The following ADAD1 variants were observed in gnomAD, a reference collection of about 807,000 sequenced individuals.
ADAD1 encodes adenosine deaminase domain containing 1.
ADAD1 carries 46 observed loss-of-function variants against 66.8 expected under a neutral mutation model. That is an observed-to-expected ratio of 0.69 (90% CI 0.54 to 0.88). The LOEUF (loss-of-function observed/expected upper bound fraction) is 0.88. ADAD1 is among the 40% of genes least tolerant of loss of function. The pLI is 0.00. For synonymous variants in ADAD1, 248 were observed against 229.4 expected (o/e 1.08, Z -0.73); for missense variants, 617 against 681.8 (o/e 0.91, Z 1.06).
intron 8 of ADAD1, among the ~76,000 whole-genome samples, chr4:122,408,905 A>G (rs868623564): frequency 1.3e-5 from 2 of 152,012 alleles, no homozygotes; most frequent in Non-Finnish European, 2.9e-5. Context: ...ATCCTACAAT[A>G]TATTTTTTTG....
intron 11 of ADAD1, among the ~76,000 whole-genome samples, chr4:122,419,657 A>G (rs1451436409): frequency 6.6e-6 from 1 of 152,194 alleles, no homozygotes; most frequent in African/African-American, 2.4e-5. Flanking sequence ...TTACAATAAT[A>G]TGTTTTATAC....
intron 7 of ADAD1, among the ~76,000 whole-genome samples, chr4:122,399,670 G>A (rs751863178): frequency 6.6e-6 from 1 of 151,440 alleles, no homozygotes; most frequent in Non-Finnish European, 1.5e-5. Context: ...ATTTCTTTCA[G>A]CAGTGTATTG....
At chr4:122,379,996 G>A in intron 2 of ADAD1, 66 bp from the exon 3 acceptor site, 1 of 1,465,386 alleles carries the variant, frequency 6.8e-7, no homozygotes, top group Non-Finnish European at 9.2e-7. Context: ...GTGGGGTTTG[G>A]AGTAAATATT....
chr4:122,392,748 G>A (rs932333036), intron 5 of ADAD1, among the ~76,000 whole-genome samples: 2 of 151,972 alleles, frequency 1.3e-5, no homozygotes, highest in Non-Finnish European at 2.9e-5. Flanking sequence ...GTTACTATAT[G>A]GTATATGGGG....
chr4:122,419,576 A>G (rs1351852945), intron 11 of ADAD1, among the ~76,000 whole-genome samples: 2 of 152,212 alleles, frequency 1.3e-5, no homozygotes, highest in Non-Finnish European at 1.5e-5. Context: ...ACACAAAATT[A>G]CAGACCAAAC....
rs562685479 is a variant in ADAD1 at position 122,420,958 on chromosome 4, C to T, written c.1488-303C>T. Among the ~76,000 whole-genome samples the T allele has an allele frequency of 6.6e-5, 10 of 152,220 alleles. No individual in the cohort carries two copies. In the South Asian group the frequency reaches 1.7e-3, roughly 25 times the overall value. ...TTCCATACCCATTTCCAGTGAATCC[C>T]TCATAGAACTGCTGTTTAATTTGTA... is the stretch of plus-strand genomic sequence containing the variant. On this transcript the variant is annotated intron_variant, in intron 11 of 12. Coordinates refer to ENST00000296513, the MANE Select transcript of ADAD1 (RefSeq NM_139243.4).
At chr4:122,385,173 C>G (rs540109566) in intron 5 of ADAD1, among the ~76,000 whole-genome samples, 46 of 152,102 alleles carry the variant, frequency 3.0e-4, no homozygotes, top group African/African-American at 1.1e-3. Context: ...ACTTTTAAAA[C>G]TTTAGTTTTT....
chr4:122,428,739 T>G (rs1039148879), intron 12 of ADAD1, among the ~76,000 whole-genome samples: 1 of 152,128 alleles, frequency 6.6e-6, no homozygotes, highest in Non-Finnish European at 1.5e-5. Context: ...TTGTCTGGGT[T>G]TAGGGCTGGT....
rs559787620 is a variant in ADAD1, at chr4:122,410,322, C to T, written c.849-900C>T. ...TTGTGTTACTTATTCCTGTGCTTGG[C>T]GTTTTTACATACTGCTGCTTAATTT... On this transcript the variant is annotated intron_variant, in intron 8 of 12. Coordinates refer to ENST00000296513, the MANE Select transcript of ADAD1 (RefSeq NM_139243.4). Among the ~76,000 whole-genome samples the T allele has an allele frequency of 4.6e-5, 7 of 152,052 alleles. No homozygotes were observed. In the South Asian group the frequency reaches 6.2e-4, roughly 14 times the overall value.
At chr4:122,380,551 T>TA (rs1160489594) in intron 3 of ADAD1, 18 of 356,420 alleles carry the variant, frequency 5.1e-5, no homozygotes, top group Non-Finnish European at 9.1e-5. Context: ...CACATAGCAC[T>TA]TAGCGTAGTG....
chr4:122,429,161 G>A (rs1483795312), intron 12 of ADAD1, among the ~76,000 whole-genome samples: 1 of 151,840 alleles, frequency 6.6e-6, no homozygotes, highest in African/African-American at 2.4e-5. Context: ...AAACTGGCCA[G>A]GTGTGGTGGC....
chr4:122,386,682 G>A (rs1430353754), intron 5 of ADAD1, among the ~76,000 whole-genome samples: 1 of 152,176 alleles, frequency 6.6e-6, no homozygotes, highest in African/African-American at 2.4e-5. Flanking sequence ...TTACATTTAA[G>A]TCTTTAATCC....
chr4:122,406,235 C>T (rs1387809210), intron 7 of ADAD1, among the ~76,000 whole-genome samples: 1 of 152,118 alleles, frequency 6.6e-6, no homozygotes, highest in Non-Finnish European at 1.5e-5. Context: ...CGAAAACTTA[C>T]ATTTTGACTT....
chr4:122,417,337 TAAAA>T (rs78147212), intron 11 of ADAD1, among the ~76,000 whole-genome samples: 6 of 94,072 alleles, frequency 6.4e-5, no homozygotes, highest in African/African-American at 1.5e-4. Context: ...CCTCCATCTT[TAAAA>T]AAAAAAAAAA....
intron 7 of ADAD1, 104 bp downstream of exon 7, chr4:122,396,481 A>G (rs1795722813): frequency 2.0e-6 from 2 of 1,000,628 alleles, no homozygotes; most frequent in Non-Finnish European, 2.7e-6. Context: ...ATTGATTTGA[A>G]GTGACTTTTT....
At chr4:122,421,133 A>T (rs923589416) in intron 11 of ADAD1, 128 bp from the exon 12 acceptor site, 1 of 634,662 alleles carries the variant, frequency 1.6e-6, no homozygotes, top group Non-Finnish European at 2.2e-6. Context: ...TATGTAAAAA[A>T]AAAATTACTA....
At chr4:122,417,173 A>G (rs1458630080) in intron 11 of ADAD1, among the ~76,000 whole-genome samples, 1 of 151,998 alleles carries the variant, frequency 6.6e-6, no homozygotes, top group African/African-American at 2.4e-5. Context: ...CATCTCTACT[A>G]AAAATACAAA....
At chr4:122,388,984 C>T (rs1249479792) in intron 5 of ADAD1, among the ~76,000 whole-genome samples, 1 of 152,152 alleles carries the variant, frequency 6.6e-6, no homozygotes, top group Non-Finnish European at 1.5e-5. Flanking sequence ...ATCTTTCTAG[C>T]TTTCTGATGT....
chr4:122,393,673 G>T lies in ADAD1; in HGVS notation c.598+16G>T. The T allele has an allele frequency of 6.4e-7, 1 of 1,564,262 alleles. No homozygotes were observed. On this transcript the variant is annotated intron_variant, in intron 6 of 12. Transcript: ENST00000296513. The stretch of plus-strand genomic sequence containing the variant: ...GTACATTATGGTAGGAAAGTTTTTT[G>T]TGACGTTCTTCTTTAGAAGAGTAGC...
Sources: allele counts gnomAD v4.1 joint callset (sites outside exome capture counted in the v4.1 genomes callset), GRCh38; gene constraint gnomAD v4.1.1; transcripts MANE v1.5; gene names NCBI Gene and HGNC (gene_info 2026-07-23, HGNC 2026-07-21).